Variants in LARS1 observed in about 807,000 individuals in gnomAD.
LARS1 encodes the protein leucine--tRNA ligase, cytoplasmic.
Under a neutral mutation model 162.8 loss-of-function variants are expected in LARS1, and 100 were observed. That is an observed-to-expected ratio of 0.61 (90% confidence interval 0.52 to 0.73). The LOEUF (loss-of-function observed/expected upper bound fraction) is 0.73, where lower values mean the gene tolerates loss of function less well. Ranked by LOEUF, LARS1 falls within the 30% of genes least tolerant of loss-of-function variation. The pLI, the probability that LARS1 is intolerant of heterozygous loss-of-function variation, is 0.00. For synonymous variants in LARS1, 457 were observed against 462.8 expected, an observed-to-expected ratio of 0.99 and a Z score of 0.16; for missense variants, 1,258 against 1,408.9, an observed-to-expected ratio of 0.89 and a Z score of 1.71.
At chr5:146,168,393 C>A in intron 4 of LARS1, 128 bp from the exon 5 acceptor site, 1 of 928,064 alleles carries the variant, frequency 1.1e-6, no homozygotes, top group South Asian at 1.9e-5. Context: ...CTATGTGGCT[C>A]CACTACAGAA....
Position 146,160,444 on chromosome 5 carries a change from A to G in LARS1, c.637T>C (p.Tyr213His). The change falls in exon 7 of 32, where the codon TAC becomes CAC. Residue 213 changes from tyrosine (Y) to histidine (H), a missense_variant. Transcript: ENST00000394434. ...TGCCATCTGACAAATGAATCATAGTAAGGATTAACATCAGTGGTGATGAAG... is the reference window on the plus strand; with the variant it reads ...TGCCATCTGACAAATGAATCATAGTGAGGATTAACATCAGTGGTGATGAAG... ...RSFITTDVNP[Y>H]YDSFVRWQFL... is the part of the protein sequence containing the mutation. 6.3e-7 allele frequency: 1 copy of G among 1,585,152 alleles called. No individual in the cohort carries two copies. The highest frequency in any genetic ancestry group is 8.6e-7 in the Non-Finnish European group (1 of 1,168,212).
chr5:146,171,044 T>C (rs76503801), intron 4 of LARS1, among the ~76,000 whole-genome samples: 1,862 of 151,626 alleles, frequency 0.012, 43 homozygotes, highest in African/African-American at 0.043. Flanking sequence ...TTCTGTAGGA[T>C]TGACATTCTT....
chr5:146,179,311 GC>G (rs1754731383), intron 1 of LARS1, among the ~76,000 whole-genome samples: 1 of 152,004 alleles, frequency 6.6e-6, no homozygotes, highest in Admixed American at 6.6e-5. Context: ...ACAGGTGCGT[GC>G]CACCATACCT....
At chr5:146,158,924 G>A (rs568666431) in intron 8 of LARS1, among the ~76,000 whole-genome samples, 99 of 152,070 alleles carry the variant, frequency 6.5e-4, no homozygotes, top group African/African-American at 2.2e-3. Flanking sequence ...GTGAAACCCC[G>A]TCTCTACTAA....
intron 14 of LARS1, 101 bp from the exon 15 acceptor site, chr5:146,149,800 G>A (rs772478185): frequency 2.8e-5 from 22 of 790,652 alleles, no homozygotes; most frequent in African/African-American, 2.8e-4. Context: ...TCTGCCCACC[G>A]AAATATTTTT....
chr5:146,168,540 C>G (rs1754123081), intron 4 of LARS1, among the ~76,000 whole-genome samples: 1 of 152,044 alleles, frequency 6.6e-6, no homozygotes, highest in African/African-American at 2.4e-5. Context: ...TAAAAATTAG[C>G]TGGGTGTGGT....
Position 146,130,037 on chromosome 5 carries a change from A to T in LARS1, c.2609T>A (p.Ile870Asn), listed in dbSNP as rs747191362. The change falls in exon 25 of 32, where the codon ATC becomes AAC. Residue 870 changes from isoleucine to asparagine, a missense_variant. Transcript: ENST00000394434. ...AGGTACCTTTCCCAGGAGTGTCCAG[A>T]TGTGCTCACACAAATGTGGACAGAA... ...APFCPHLCEH[I>N]WTLLGKPDSI... is the part of the protein sequence containing the mutation. 1.2e-6 allele frequency: 2 copies of T among 1,613,276 alleles called. No homozygotes were observed. The highest frequency in any genetic ancestry group is 1.7e-6 in the Non-Finnish European group (2 of 1,179,730).
chr5:146,121,089 A>G (rs540573569), intron 30 of LARS1, among the ~76,000 whole-genome samples: 45 of 152,296 alleles, frequency 3.0e-4, no homozygotes, highest in African/African-American at 1.1e-3. Flanking sequence ...TGAAATAAAT[A>G]TATTTGTATA....
At chr5:146,144,391 CT>C in intron 17 of LARS1, 42 bp from the exon 18 acceptor site, 1 of 1,596,752 alleles carries the variant, frequency 6.3e-7, no homozygotes. Flanking sequence ...TACTGGTTCA[CT>C]TTTTTTGTTG....
intron 10 of LARS1, among the ~76,000 whole-genome samples, chr5:146,155,874 G>A (rs1172937331): frequency 2.0e-5 from 3 of 152,218 alleles, no homozygotes; most frequent in Non-Finnish European, 4.4e-5. Flanking sequence ...CTAAAGAGAT[G>A]TGGCAGTGCT....
rs142733415 is a variant in LARS1, at chr5:146,165,101, C to T, written c.433-630G>A. On this transcript the variant is annotated intron_variant, in intron 5 of 31. Transcript: ENST00000394434. ...CTGTAATATCAGCACTTTGGGAGGCCGAGGCAGGCAGATCACGAGGTCAGG... is the reference window on the plus strand; with the variant it reads ...CTGTAATATCAGCACTTTGGGAGGCTGAGGCAGGCAGATCACGAGGTCAGG... 2.2e-3 allele frequency among the ~76,000 whole-genome samples: 333 copies of T among 152,076 alleles called. 3 individuals are homozygous for T. Among genetic ancestry groups the T allele is most frequent in the African/African-American group, 7.8e-3 (323 of 41,496 alleles).
intron 4 of LARS1, among the ~76,000 whole-genome samples, chr5:146,171,574 G>A (rs933576552): frequency 1.2e-4 from 18 of 151,892 alleles, no homozygotes; most frequent in Admixed American, 2.6e-4. Context: ...ATTTTATGCC[G>A]GCATCTTACA....
intron 14 of LARS1, 84 bp downstream of exon 14, chr5:146,151,778 T>C: frequency 1.6e-6 from 2 of 1,265,226 alleles, no homozygotes; most frequent in South Asian, 2.6e-5. Flanking sequence ...GAAACTATGT[T>C]AAATTTTTCT....
At position 146,122,553 on chromosome 5, in the gene LARS1, G is replaced by A. The variant is rs1751874206; in HGVS notation, c.3131C>T (p.Ala1044Val). ...EHIEVKFASE[A>V]EDKIREDCCP... is the part of the protein sequence containing the mutation. The stretch of plus-strand genomic sequence containing the variant: ...GCAGTCTTCCCTGATTTTATCTTCT[G>A]CTTCGGAGGCAAACTTGACTTCTAT... Residue 1044 changes from alanine to valine, a missense_variant, in exon 30 of 32, where the codon GCA (alanine) becomes GTA (valine). By Grantham distance (64) the Ala-to-Val change is moderately conservative. Coordinates refer to ENST00000394434, the MANE Select transcript of LARS1 (RefSeq NM_020117.11). 1.2e-6 allele frequency: 2 copies of A among 1,609,736 alleles called. No homozygotes were observed. Among genetic ancestry groups the A allele is most frequent in the South Asian group, 1.1e-5 (1 of 90,694 alleles).
rs1372382791 is a variant in LARS1, at chr5:146,132,974, C to A, written c.2320G>T (p.Val774Leu). 6.2e-7 allele frequency: 1 copy of A among 1,614,130 alleles called. No individual in the cohort carries two copies. The highest frequency in any genetic ancestry group is 1.1e-5 in the South Asian group (1 of 91,084). The change falls in exon 23 of 32, where the codon GTG (valine) becomes TTG (leucine). Residue 774 changes from valine to leucine, a missense_variant. Physicochemically the swap from Val to Leu is conservative, Grantham distance 32 (BLOSUM62 1). Coordinates refer to ENST00000394434, the MANE Select transcript of LARS1 (RefSeq NM_020117.11). Reference protein sequence around the residue: ...ILRLYTWVEWVKEMVANWDSL... With the variant: ...ILRLYTWVEWLKEMVANWDSL... ...TCCCAGTTGGCAACCATTTCTTTCACCCACTCTACCCAGGTGTACAGACGG... is the reference window on the plus strand; with the variant it reads ...TCCCAGTTGGCAACCATTTCTTTCAACCACTCTACCCAGGTGTACAGACGG...
At chr5:146,142,677 G>A in intron 20 of LARS1, 195 bp downstream of exon 20, 1 of 526,816 alleles carries the variant, frequency 1.9e-6, no homozygotes, top group Non-Finnish European at 3.4e-6. Context: ...TTGGTGCCTG[G>A]GGTAGGTATG....
At chr5:146,134,471 C>T (rs1033571105) in intron 22 of LARS1, among the ~76,000 whole-genome samples, 1 of 152,116 alleles carries the variant, frequency 6.6e-6, no homozygotes, top group African/African-American at 2.4e-5. Flanking sequence ...CTGAGTTAGC[C>T]ATGACCAATA....
chr5:146,159,901 T>C (rs185647855), intron 7 of LARS1, among the ~76,000 whole-genome samples: 1 of 152,208 alleles, frequency 6.6e-6, no homozygotes, highest in Admixed American at 6.5e-5. Context: ...AATCAAATGA[T>C]TACTTTTTCT....
chr5:146,153,826 G>A lies in LARS1; in HGVS notation c.1154-16C>T. 6.2e-7 allele frequency: 1 copy of A among 1,613,128 alleles called. No individual in the cohort carries two copies. The highest frequency in any genetic ancestry group is 1.1e-5 in the South Asian group (1 of 91,048). On this transcript the variant is annotated splice_polypyrimidine_tract_variant and intron_variant, in intron 11 of 31. Coordinates refer to ENST00000394434, the MANE Select transcript of LARS1 (RefSeq NM_020117.11). Reference sequence around the variant, plus strand: ...ACACCAGTGCCTTAGAAAACAAAGTGTGGAATTAATAACTAGAACCAAAAT... The same window carrying A: ...ACACCAGTGCCTTAGAAAACAAAGTATGGAATTAATAACTAGAACCAAAAT...
Sources: allele counts gnomAD v4.1 joint callset (sites outside exome capture counted in the v4.1 genomes callset), GRCh38; gene constraint gnomAD v4.1.1; transcripts MANE v1.5; gene names NCBI Gene and HGNC (gene_info 2026-07-23, HGNC 2026-07-21).